ALKBH3: variants seen among roughly 807,000 people sequenced by gnomAD.
The protein encoded by ALKBH3 is alpha-ketoglutarate-dependent dioxygenase alkB homolog 3.
A neutral mutation model predicts 43.9 loss-of-function variants in ALKBH3; 51 were observed. The observed-to-expected ratio is 1.16, with a 90% CI of 0.93 to 1.47. The LOEUF (loss-of-function observed/expected upper bound fraction) is 1.47. Ranked by LOEUF, ALKBH3 falls within the 40% of genes most tolerant of loss-of-function variation. The probability of loss-of-function intolerance (pLI) is 0.00; values close to 1 mark genes in which losing one functional copy is unlikely to be tolerated. For missense variants in ALKBH3, 361 were observed against 351.9 expected, an observed-to-expected ratio of 1.03 and a Z score of -0.21; for synonymous variants, 102 against 115.2, an observed-to-expected ratio of 0.89 and a Z score of 0.73.
At chr11:43,885,384 G>A (rs1951740048) in intron 4 of ALKBH3, among the ~76,000 whole-genome samples, 1 of 152,210 alleles carries the variant, frequency 6.6e-6, no homozygotes, top group Non-Finnish European at 1.5e-5. Context: ...GACGATGCAT[G>A]TAGTAAATAT....
At chr11:43,910,871 G>A (rs932094550) in intron 8 of ALKBH3, among the ~76,000 whole-genome samples, 5 of 151,860 alleles carry the variant, frequency 3.3e-5, no homozygotes, top group African/African-American at 1.2e-4. Flanking sequence ...TTATTTCCAG[G>A]AACAGTTCTT....
chr11:43,882,707 A>G lies in ALKBH3; in HGVS notation c.55A>G (p.Lys19Glu), dbSNP rs1951720236. ...TCAGGGAGCCTGGGCTGCCCCTGTT[A>G]AAAGCCAGGCCATTGCTCAGCCAGG... Reference protein sequence around the residue: ...RVQGAWAAPVKSQAIAQPATT... With the variant: ...RVQGAWAAPVESQAIAQPATT... Residue 19 changes from lysine to glutamate, a missense_variant, in exon 2 of 10, where the codon AAA becomes GAA. By Grantham distance (56) the Lys-to-Glu change is moderately conservative (BLOSUM62 1). Transcript: ENST00000302708. 14 of 1,613,400 alleles carry G rather than the reference A, an allele frequency of 8.7e-6. No homozygotes were observed. Among genetic ancestry groups the G allele is most frequent in the Non-Finnish European group, 1.1e-5 (13 of 1,179,780 alleles).
chr11:43,908,754 C>A (rs11603980), intron 8 of ALKBH3, among the ~76,000 whole-genome samples: 4 of 152,140 alleles, frequency 2.6e-5, no homozygotes, highest in Non-Finnish European at 5.9e-5. Flanking sequence ...GAACAGTAAA[C>A]GCTGTCAGCA....
chr11:43,916,698 T>C (rs1951985882), intron 8 of ALKBH3: 1 of 152,274 alleles, frequency 6.6e-6, no homozygotes, highest in East Asian at 1.9e-4. Context: ...TATCCATTTA[T>C]CAACTGGAGC....
chr11:43,912,760 C>A (rs1951950008), intron 8 of ALKBH3, among the ~76,000 whole-genome samples: 1 of 152,012 alleles, frequency 6.6e-6, no homozygotes, highest in Non-Finnish European at 1.5e-5. Context: ...TTTTTAAAAT[C>A]TTAATATATT....
At chr11:43,896,441 G>A (rs1428338362) in intron 7 of ALKBH3, among the ~76,000 whole-genome samples, 1 of 152,178 alleles carries the variant, frequency 6.6e-6, no homozygotes, top group Non-Finnish European at 1.5e-5. Flanking sequence ...TTTGAGGGCA[G>A]GAAGCACCCA....
chr11:43,915,454 T>A (rs1004178813), intron 8 of ALKBH3, among the ~76,000 whole-genome samples: 2 of 152,176 alleles, frequency 1.3e-5, no homozygotes, highest in Non-Finnish European at 2.9e-5. Context: ...TTCCATTTTT[T>A]AAGAATATAT....
intron 8 of ALKBH3, 91 bp from the exon 9 acceptor site, chr11:43,918,947 G>C: frequency 1.0e-6 from 1 of 999,016 alleles, no homozygotes; most frequent in East Asian, 2.4e-5. Context: ...TGGCTGAGCA[G>C]AGGTTTCCAT....
At chr11:43,899,072 C>T in intron 7 of ALKBH3, 1 of 750,454 alleles carries the variant, frequency 1.3e-6, no homozygotes, top group Non-Finnish European at 2.5e-6. Context: ...CTTCAGTCAC[C>T]ACTTGGAATT....
intron 7 of ALKBH3, chr11:43,897,595 G>GT: frequency 1.2e-6 from 1 of 838,034 alleles, no homozygotes; most frequent in Non-Finnish European, 2.1e-6. Context: ...GAATTCAAGA[G>GT]TGAAGATGGG....
At chr11:43,897,945 A>T (rs1951831006) in intron 7 of ALKBH3, 1 of 783,388 alleles carries the variant, frequency 1.3e-6, no homozygotes, top group East Asian at 2.4e-5. Context: ...GCCATTTAGA[A>T]GGAGGCATAA....
chr11:43,882,770 G>A (rs1256990901), intron 2 of ALKBH3, 39 bp downstream of exon 2: 22 of 1,560,206 alleles, frequency 1.4e-5, no homozygotes, highest in Non-Finnish European at 1.8e-5. Context: ...TGTGGATATG[G>A]ACAACTCTCA....
chr11:43,900,215 ATTTTTTTTTTTTTTTTTT>A (rs34274072), intron 7 of ALKBH3, among the ~76,000 whole-genome samples: 1 of 87,150 alleles, frequency 1.1e-5, no homozygotes, highest in African/African-American at 4.5e-5. Context: ...TTTTAATTTA[ATTTTTTTTTTTTTTTTTT>A]TTTTTTTTGC....
At position 43,901,718 on chromosome 11, in the gene ALKBH3, C is replaced by T. The variant is rs1951865343; in HGVS notation, c.662C>T (p.Pro221Leu). Residue 221 changes from proline (P) to leucine (L), a missense_variant, in exon 8 of 10, where the codon CCA (proline) becomes CTA (leucine). Coordinates refer to ENST00000302708, the MANE Select transcript of ALKBH3 (RefSeq NM_139178.4). ...ATRTFEMRKK[P>L]PPEENGDYTY... ...CGCACATTTGAGATGAGAAAGAAGC[C>T]ACCACCAGTGAGTATTCTCTTTTTC... is the stretch of plus-strand genomic sequence containing the variant. The T allele has an allele frequency of 1.2e-6, 2 of 1,614,026 alleles. No homozygotes were observed. The highest frequency in any genetic ancestry group is 1.7e-6 in the Non-Finnish European group (2 of 1,179,998).
At position 43,882,851 on chromosome 11, in the gene ALKBH3, A is replaced by C. The variant is rs34231408; in HGVS notation, c.79+120A>C. 259 of 1,185,844 alleles carry C rather than the reference A, an allele frequency of 2.2e-4. No homozygotes were observed. In the African/African-American group the frequency reaches 3.7e-3, roughly 17 times the overall value. The allele number at this position is 1,185,844 out of a possible 1,614,324, so 73.5% of individuals were successfully genotyped here. On this transcript the variant is annotated intron_variant, in intron 2 of 9. Transcript: ENST00000302708. The stretch of plus-strand genomic sequence containing the variant: ...CAATTGACGTCAAGGAATTGTTTAA[A>C]ATGTGGCTGATATTTTGTCCGATTT...
rs989352010 is a variant in ALKBH3, at chr11:43,881,120, A to G, written c.-130A>G. On this transcript the variant is annotated 5_prime_UTR_variant, in exon 1 of 10. Transcript: ENST00000302708. ...CACCTGCGGAGCTCGCTTAGTCTGC[A>G]CCTCAACCGTGCGGAAAGTGACTGC... is the stretch of plus-strand genomic sequence containing the variant. 2.0e-5 allele frequency: 3 copies of G among 152,446 alleles called. No individual in the cohort carries two copies. The highest frequency in any genetic ancestry group is 2.9e-5 in the Non-Finnish European group (2 of 68,226). The allele number at this position is 152,446 out of a possible 1,614,324, so 9.4% of individuals were successfully genotyped here.
chr11:43,882,846 T>C, intron 2 of ALKBH3, 115 bp downstream of exon 2: 1 of 1,209,222 alleles, frequency 8.3e-7, no homozygotes. Context: ...CAAGGAATTG[T>C]TTAAAATGTG....
intron 8 of ALKBH3, among the ~76,000 whole-genome samples, chr11:43,914,779 A>G (rs183618058): frequency 6.6e-6 from 1 of 152,328 alleles, no homozygotes; most frequent in Non-Finnish European, 1.5e-5. Flanking sequence ...TGACAAACAA[A>G]TGCCTTAATA....
chr11:43,882,977 A>G (rs1951722099), intron 2 of ALKBH3, 108 bp from the exon 3 acceptor site: 1 of 922,142 alleles, frequency 1.1e-6, no homozygotes, highest in African/African-American at 1.7e-5. Context: ...GTTAGTTTCT[A>G]CATGTCATAG....
Sources: gnomAD v4.1 joint callset for allele counts (sites outside exome capture counted in the v4.1 genomes callset) on GRCh38, gnomAD v4.1.1 for gene constraint, MANE v1.5 for transcripts, NCBI Gene and HGNC (gene_info 2026-07-23, HGNC 2026-07-21) for gene names.